Variants in CHST10 observed in about 807,000 individuals in gnomAD.
CHST10 encodes HNK-1 sulfotransferase.
Under a neutral mutation model 34.7 loss-of-function variants are expected in CHST10, and 24 were observed. The ratio of observed to expected loss-of-function variants is 0.69; its 90% CI spans 0.50 to 0.97. The LOEUF is 0.97. Among genes scored for constraint, CHST10 ranks in the 50% least tolerant of loss-of-function variants. The probability of loss-of-function intolerance (pLI) is 0.00; values close to 1 mark genes in which losing one functional copy is unlikely to be tolerated. For missense variants in CHST10, 402 were observed against 452.1 expected, an observed-to-expected ratio of 0.89 and a Z score of 1.00; for synonymous variants, 161 against 169.3, an observed-to-expected ratio of 0.95 and a Z score of 0.38.
intron 3 of CHST10, among the ~76,000 whole-genome samples, chr2:100,405,676 A>G (rs993144199): frequency 6.6e-6 from 1 of 152,192 alleles, no homozygotes; most frequent in Non-Finnish European, 1.5e-5. Context: ...AGGACAAAGT[A>G]CGGTGCAGAG....
In CHST10 at chr2:100,402,547, G is replaced by A. The variant is rs186626957; in HGVS notation, c.192+17C>T. On this transcript the variant is annotated intron_variant, in intron 4 of 6. Transcript: ENST00000264249. ...CCGTGTTCAAGAGGACAAGGACCACGGCCTGGCTGTGCCCACCTTCAGTTC... is the reference window on the plus strand; with the variant it reads ...CCGTGTTCAAGAGGACAAGGACCACAGCCTGGCTGTGCCCACCTTCAGTTC... The A allele has an allele frequency of 1.4e-4, 232 of 1,610,232 alleles. No homozygotes were observed. The African/African-American group carries it at 1.5e-3, about 10-fold the overall frequency.
intron 4 of CHST10, among the ~76,000 whole-genome samples, chr2:100,399,201 T>C (rs375485876): frequency 1.3e-4 from 20 of 151,928 alleles, no homozygotes; most frequent in African/African-American, 3.9e-4. Flanking sequence ...CCTCCCGGGT[T>C]CCCGCCATTC....
In CHST10 at chr2:100,415,026, T is replaced by A; in HGVS notation, c.-33+15A>T. The A allele has an allele frequency of 3.1e-6, 4 of 1,300,930 alleles. No homozygotes were observed. Among genetic ancestry groups the A allele is most frequent in the Non-Finnish European group, 4.1e-6 (4 of 987,204 alleles). 80.6% of individuals were successfully genotyped at this position (1,300,930 alleles called of 1,614,324 possible). A position where few individuals can be genotyped will look rare whatever the true frequency, so the allele number is the denominator to read the frequency against. Reference sequence around the variant, plus strand: ...TGCTCAAATAACTGATGAGCTCACATTCTCCTTCACGTACCTTCTGCAGCC... The same window carrying A: ...TGCTCAAATAACTGATGAGCTCACAATCTCCTTCACGTACCTTCTGCAGCC... On this transcript the variant is annotated intron_variant, in intron 2 of 6. Coordinates refer to ENST00000264249, the MANE Select transcript of CHST10 (RefSeq NM_004854.5).
At chr2:100,414,390 G>C (rs1438481917) in intron 2 of CHST10, among the ~76,000 whole-genome samples, 1 of 151,632 alleles carries the variant, frequency 6.6e-6, no homozygotes, top group Non-Finnish European at 1.5e-5. Context: ...ACAAAAACCT[G>C]GTAATGTACA....
chr2:100,393,522 G>A lies in CHST10; in HGVS notation c.794C>T (p.Thr265Met), dbSNP rs752195490. 5.6e-6 allele frequency: 9 copies of A among 1,613,928 alleles called. No homozygotes were observed. The highest frequency in any genetic ancestry group is 1.1e-5 in the South Asian group (1 of 91,072). Residue 265 changes from threonine to methionine, a missense_variant, in exon 7 of 7, where the codon ACG (threonine) becomes ATG (methionine). Coordinates refer to ENST00000264249, the MANE Select transcript of CHST10 (RefSeq NM_004854.5). ...ACAGGGAGCACAGAGCTCTACATAC[G>A]TCACCCAGTGAATGATGTGGTCCCC... ...QFGDHIIHWV[T>M]YVELCAPCEI...
chr2:100,396,354 G>GGCT (rs1675058907), intron 5 of CHST10, among the ~76,000 whole-genome samples: 1 of 152,202 alleles, frequency 6.6e-6, no homozygotes, highest in African/African-American at 2.4e-5. Flanking sequence ...TAGGGTTGGT[G>GGCT]GCTGAGCAGG....
Position 100,393,795 on chromosome 2 carries a change from A to G in CHST10, c.534-13T>C. The stretch of plus-strand genomic sequence containing the variant: ...GTATGTTTTCAATCTAAGGAAAAAA[A>G]CGAACAAGAGGTTAACTTGATGCCA... On this transcript the variant is annotated splice_polypyrimidine_tract_variant and intron_variant, in intron 6 of 6. Coordinates refer to ENST00000264249, the MANE Select transcript of CHST10 (RefSeq NM_004854.5). The G allele has an allele frequency of 6.3e-7, 1 of 1,599,150 alleles. No individual in the cohort carries two copies. The highest frequency in any genetic ancestry group is 8.5e-7 in the Non-Finnish European group (1 of 1,176,330).
At chr2:100,396,795 G>C (rs1336121635) in intron 5 of CHST10, among the ~76,000 whole-genome samples, 2 of 152,186 alleles carry the variant, frequency 1.3e-5, no homozygotes, top group East Asian at 3.8e-4. Context: ...TGATTTCTAT[G>C]CTGCCCTTCT....
chr2:100,394,491 C>G (rs1336615570), intron 6 of CHST10, among the ~76,000 whole-genome samples: 4 of 152,194 alleles, frequency 2.6e-5, no homozygotes, highest in Non-Finnish European at 5.9e-5. Flanking sequence ...AGGGCAACAG[C>G]AGGACACTCC....
At chr2:100,397,187 A>G (rs4149518) in intron 5 of CHST10, among the ~76,000 whole-genome samples, 60,032 of 152,166 alleles carry the variant, frequency 0.39, 13,769 homozygotes, top group East Asian at 0.71. Flanking sequence ...GCTAAATTTC[A>G]TAAGCAGAGC....
chr2:100,399,979 G>A (rs548943306), intron 4 of CHST10, among the ~76,000 whole-genome samples: 1 of 152,240 alleles, frequency 6.6e-6, no homozygotes, highest in South Asian at 2.1e-4. Context: ...TTACAAGAAC[G>A]GGTCTCGTTT....
Position 100,417,359 on chromosome 2 carries a change from C to T in CHST10, c.-104+15G>A, listed in dbSNP as rs1395612212. On this transcript the variant is annotated intron_variant, in intron 1 of 6. Coordinates refer to ENST00000264249, the MANE Select transcript of CHST10 (RefSeq NM_004854.5). ...AGGCGCTGAAACCCACCCGCCTGCG[C>T]GTCCCCGAGCTCACCCTACTGGAGC... 2.9e-6 allele frequency: 1 copy of T among 341,984 alleles called. No homozygotes were observed. Among genetic ancestry groups the T allele is most frequent in the South Asian group, 2.3e-5 (1 of 43,818 alleles). The allele number at this position is 341,984 out of a possible 1,614,324, so 21.2% of individuals were successfully genotyped here.
chr2:100,411,044 T>C (rs1427779349), intron 2 of CHST10, among the ~76,000 whole-genome samples: 6 of 151,812 alleles, frequency 4.0e-5, no homozygotes, highest in Non-Finnish European at 8.8e-5. Flanking sequence ...AATAAAATCA[T>C]GAGAGGACAG....
At chr2:100,395,429 A>C (rs991726732) in intron 6 of CHST10, 80 bp downstream of exon 6, 3 of 1,260,576 alleles carry the variant, frequency 2.4e-6, no homozygotes, top group Non-Finnish European at 2.3e-6. Flanking sequence ...CCAAGTACAG[A>C]ACTCAGCCTG....
intron 5 of CHST10, among the ~76,000 whole-genome samples, chr2:100,396,447 A>G (rs1161398873): frequency 1.3e-5 from 2 of 152,176 alleles, no homozygotes; most frequent in Non-Finnish European, 2.9e-5. Flanking sequence ...GTAAGCCTTA[A>G]TATCCATCTT....
rs953189315 is a variant in CHST10, at chr2:100,399,105, T to A, written c.193-963A>T. 3.4e-5 allele frequency among the ~76,000 whole-genome samples: 5 copies of A among 146,984 alleles called. No individual in the cohort carries two copies. The South Asian group carries it at 1.1e-3, about 31-fold the overall frequency. ...GCTGCTACATCTCTCTCTCTCTCTT[T>A]TTTTTTTTTTTTTTATGAGACGGAG... On this transcript the variant is annotated intron_variant, in intron 4 of 6. Coordinates refer to ENST00000264249, the MANE Select transcript of CHST10 (RefSeq NM_004854.5).
intron 2 of CHST10, among the ~76,000 whole-genome samples, chr2:100,414,381 C>A (rs112248117): frequency 2.6e-5 from 4 of 151,922 alleles, no homozygotes; most frequent in Admixed American, 6.6e-5. Context: ...CACACACACA[C>A]AAAAACCTGG....
intron 1 of CHST10, 162 bp downstream of exon 1, chr2:100,417,212 C>T: frequency 2.1e-6 from 1 of 466,916 alleles, no homozygotes; most frequent in Non-Finnish European, 3.9e-6. Context: ...AGGCTCTTCC[C>T]GCTACTCCCG....
chr2:100,406,769 T>C, intron 2 of CHST10, 62 bp from the exon 3 acceptor site: 1 of 1,550,394 alleles, frequency 6.4e-7, no homozygotes. Flanking sequence ...CAAAGAGGAA[T>C]GAAAACGACA....
Sources: allele counts gnomAD v4.1 joint callset (sites outside exome capture counted in the v4.1 genomes callset), GRCh38; gene constraint gnomAD v4.1.1; transcripts MANE v1.5; gene names NCBI Gene and HGNC (gene_info 2026-07-23, HGNC 2026-07-21).